The following DZIP3 variants were observed in gnomAD, a reference collection of about 807,000 sequenced individuals.
The protein encoded by DZIP3 is E3 ubiquitin-protein ligase DZIP3.
Under a neutral mutation model 162.0 loss-of-function variants are expected in DZIP3, and 118 were observed. The observed-to-expected ratio is 0.73, with a 90% CI of 0.63 to 0.85. DZIP3 has a LOEUF of 0.85. Ranked by LOEUF, DZIP3 falls within the 40% of genes least tolerant of loss-of-function variation. The probability of loss-of-function intolerance (pLI) is 0.00; values close to 1 mark genes in which losing one functional copy is unlikely to be tolerated. For missense variants in DZIP3, 1,331 were observed against 1,407.0 expected, an observed-to-expected ratio of 0.95 and a Z score of 0.86; for synonymous variants, 438 against 458.6, an observed-to-expected ratio of 0.96 and a Z score of 0.57.
intron 4 of DZIP3, among the ~76,000 whole-genome samples, chr3:108,612,171 A>G (rs1421561909): frequency 1.3e-5 from 2 of 152,174 alleles, no homozygotes; most frequent in South Asian, 2.1e-4. Context: ...AGAAAATTAT[A>G]TACTCTTTTC....
intron 4 of DZIP3, among the ~76,000 whole-genome samples, chr3:108,611,983 A>T (rs903950245): frequency 1.1e-4 from 17 of 151,738 alleles, no homozygotes; most frequent in African/African-American, 4.1e-4. Flanking sequence ...AAAAGTTGAC[A>T]CATTTGTCAA....
intron 5 of DZIP3, among the ~76,000 whole-genome samples, chr3:108,618,513 G>A (rs1004392295): frequency 6.6e-6 from 1 of 152,200 alleles, no homozygotes. Context: ...AAGTAGTGGA[G>A]TCAGGTGGCT....
chr3:108,608,206 A>C (rs755655578), intron 3 of DZIP3, 48 bp downstream of exon 3: 1 of 949,884 alleles, frequency 1.1e-6, no homozygotes, highest in Non-Finnish European at 1.5e-6. Context: ...TTGATAATTA[A>C]TTATATATGC....
chr3:108,690,749 A>G (rs1332357284), intron 31 of DZIP3, 38 bp from the exon 32 acceptor site: 3 of 1,584,268 alleles, frequency 1.9e-6, no homozygotes, highest in Non-Finnish European at 1.7e-6. Flanking sequence ...CTGCTAGGCT[A>G]CATCTGAGAG....
intron 7 of DZIP3, among the ~76,000 whole-genome samples, chr3:108,628,005 A>G (rs1205615686): frequency 6.6e-6 from 1 of 152,062 alleles, no homozygotes; most frequent in East Asian, 1.9e-4. Context: ...CTGCCTCCCA[A>G]GTAGCTGGGA....
At chr3:108,682,128 G>A (rs1944337521) in intron 26 of DZIP3, among the ~76,000 whole-genome samples, 1 of 150,848 alleles carries the variant, frequency 6.6e-6, no homozygotes, top group Admixed American at 6.6e-5. Context: ...GATATCAAAT[G>A]TTGGCGATGA....
rs1363878002 is a variant in DZIP3 at position 108,611,169 on chromosome 3, T to A, written c.103-5T>A. The A allele has an allele frequency of 1.9e-6, 3 of 1,583,212 alleles. No individual in the cohort carries two copies. Among genetic ancestry groups the A allele is most frequent in the Non-Finnish European group, 8.5e-7 (1 of 1,171,538 alleles). On this transcript the variant is annotated splice_region_variant and splice_polypyrimidine_tract_variant and intron_variant, in intron 3 of 32. Coordinates refer to ENST00000361582, the MANE Select transcript of DZIP3 (RefSeq NM_014648.4). Reference sequence around the variant, plus strand: ...TGTAAATTTTTAATCAATAATGTCTTCTAGAACAAACAGGAAAATGACATA... The same window carrying A: ...TGTAAATTTTTAATCAATAATGTCTACTAGAACAAACAGGAAAATGACATA...
chr3:108,669,536 A>G, intron 21 of DZIP3, 145 bp from the exon 22 acceptor site: 1 of 612,916 alleles, frequency 1.6e-6, no homozygotes, highest in Non-Finnish European at 2.8e-6. Context: ...GACCAGGTAT[A>G]GGAGTTCAGT....
At chr3:108,614,957 T>C (rs777199726) in intron 4 of DZIP3, among the ~76,000 whole-genome samples, 11 of 152,154 alleles carry the variant, frequency 7.2e-5, no homozygotes, top group Admixed American at 3.9e-4. Context: ...ACTATTTCCA[T>C]TGAAATCCTT....
chr3:108,617,086 C>T (rs1301151711), intron 5 of DZIP3, among the ~76,000 whole-genome samples: 3 of 152,034 alleles, frequency 2.0e-5, no homozygotes, highest in South Asian at 4.1e-4. Flanking sequence ...GCAGAGAGTA[C>T]GATGGTGGCT....
intron 1 of DZIP3, among the ~76,000 whole-genome samples, chr3:108,600,786 A>G (rs1939963825): frequency 6.6e-6 from 1 of 152,084 alleles, no homozygotes; most frequent in Non-Finnish European, 1.5e-5. Flanking sequence ...TGAAGGAGGT[A>G]CTGTTGTACC....
In DZIP3 at chr3:108,611,269, AG is replaced by A. The variant is rs866312556; in HGVS notation, c.200del (p.Gly67ValfsTer37). ...TAAATGCAATTAATACTCTACCAAAAGGTGTGGTTCCTCACATTAAGAAGTT... is the reference window on the plus strand; with the variant it reads ...TAAATGCAATTAATACTCTACCAAAAGTGTGGTTCCTCACATTAAGAAGTT... Reference protein sequence around the residue: ...LLNAINTLPKGVVPHIKKFLQ... With the variant: ...LLNAINTLPKXVVPHIKKFLQ... On this transcript the variant is annotated frameshift_variant, in exon 4 of 33. Transcript: ENST00000361582. LOFTEE classifies it high-confidence loss of function. 23 of 1,612,764 alleles carry A rather than the reference AG, an allele frequency of 1.4e-5. No homozygotes were observed. The highest frequency in any genetic ancestry group is 1.9e-5 in the Non-Finnish European group (23 of 1,179,660).
At chr3:108,664,743 T>C (rs1427527007) in intron 21 of DZIP3, among the ~76,000 whole-genome samples, 1 of 152,252 alleles carries the variant, frequency 6.6e-6, no homozygotes, top group African/African-American at 2.4e-5. Context: ...AGTCCTTTGC[T>C]TTCTCCTTTC....
intron 31 of DZIP3, 44 bp downstream of exon 31, chr3:108,688,968 T>C: frequency 6.6e-7 from 1 of 1,522,592 alleles, no homozygotes; most frequent in Non-Finnish European, 9.1e-7. Context: ...ATGAGATTCA[T>C]ACTGCCTTAC....
chr3:108,594,873 A>G (rs570834825), intron 1 of DZIP3, among the ~76,000 whole-genome samples: 1 of 152,042 alleles, frequency 6.6e-6, no homozygotes, highest in South Asian at 2.1e-4. Context: ...TTTTTTCTTC[A>G]CAGCAGAAAG....
intron 1 of DZIP3, among the ~76,000 whole-genome samples, chr3:108,590,677 A>T (rs1440898641): frequency 6.6e-6 from 1 of 152,220 alleles, no homozygotes; most frequent in Non-Finnish European, 1.5e-5. Context: ...TTCACCACAT[A>T]AATGAGAGGC....
intron 8 of DZIP3, among the ~76,000 whole-genome samples, chr3:108,631,051 A>ACTCTCTCTCT (rs1431834911): frequency 2.2e-3 from 92 of 41,968 alleles, no homozygotes; most frequent in Non-Finnish European, 3.2e-3. Context: ...ACACACACAC[A>ACTCTCTCTCT]CACACTCTCT....
chr3:108,637,134 T>A (rs759736055), intron 11 of DZIP3, among the ~76,000 whole-genome samples: 5 of 152,050 alleles, frequency 3.3e-5, no homozygotes, highest in African/African-American at 1.2e-4. Flanking sequence ...TCAGATGATA[T>A]CCATTTTATG....
At chr3:108,623,482 G>T (rs1941460488) in intron 5 of DZIP3, among the ~76,000 whole-genome samples, 1 of 152,154 alleles carries the variant, frequency 6.6e-6, no homozygotes, top group Non-Finnish European at 1.5e-5. Flanking sequence ...TAGAGCCTCA[G>T]GATTCTACTG....
Sources: allele counts gnomAD v4.1 joint callset (sites outside exome capture counted in the v4.1 genomes callset), GRCh38; gene constraint gnomAD v4.1.1; transcripts MANE v1.5; gene names NCBI Gene and HGNC (gene_info 2026-07-23, HGNC 2026-07-21).